Variants in ACER3 observed in about 807,000 individuals in gnomAD.
ACER3 encodes the protein alkaline ceramidase 3.
A neutral mutation model predicts 48.9 loss-of-function variants in ACER3; 16 were observed. The observed-to-expected ratio is 0.33, with a 90% CI of 0.22 to 0.50. The LOEUF is 0.50. Among genes scored for constraint, ACER3 ranks in the 20% least tolerant of loss-of-function variants. The pLI, the probability that ACER3 is intolerant of heterozygous loss-of-function variation, is 0.98. For synonymous variants in ACER3, 109 were observed against 107.8 expected, an observed-to-expected ratio of 1.01 and a Z score of -0.07; for missense variants, 227 against 326.0, an observed-to-expected ratio of 0.70 and a Z score of 2.34.
At chr11:77,016,820 T>G (rs782405940) in intron 9 of ACER3, 41 bp downstream of exon 9, 2 of 1,121,060 alleles carry the variant, frequency 1.8e-6, no homozygotes, top group Non-Finnish European at 2.5e-6. Flanking sequence ...CTAGAGTTTG[T>G]TGTTTTTTTT....
At chr11:76,910,284 A>T (rs537864550) in intron 1 of ACER3, among the ~76,000 whole-genome samples, 121 of 152,252 alleles carry the variant, frequency 7.9e-4, no homozygotes, top group Middle Eastern at 3.4e-3. Context: ...ATAATAATAA[A>T]AAATTATGAT....
rs1317911472 is a variant in ACER3 at position 76,959,046 on chromosome 11, A to G, written c.267+15A>G. 1 of 1,613,830 alleles carries G rather than the reference A, an allele frequency of 6.2e-7. No homozygotes were observed. The highest frequency in any genetic ancestry group is 1.3e-5 in the African/African-American group (1 of 75,048). ...ATGAAATGCAGGTTAGTAATGATGA[A>G]ATTGACAAATGCTTATTTCTCTTAA... On this transcript the variant is annotated intron_variant, in intron 3 of 10. Transcript: ENST00000532485.
Position 76,975,874 on chromosome 11 carries a change from C to CTTTT in ACER3, c.268-395_268-392dup, listed in dbSNP as rs34786738. On this transcript the variant is annotated intron_variant, in intron 3 of 10. Coordinates refer to ENST00000532485, the MANE Select transcript of ACER3 (RefSeq NM_018367.7). The stretch of plus-strand genomic sequence containing the variant: ...AAGAGCTGAAACCTTTTTTTCTTTT[C>CTTTT]TTTTTTTTTTTTTTTTTTTTTTTGA... 5.2e-4 allele frequency among the ~76,000 whole-genome samples: 43 copies of CTTTT among 82,710 alleles called. 1 individual carries two copies. The highest frequency in any genetic ancestry group is 1.2e-3 in the African/African-American group (28 of 22,432). The allele number at this position is 82,710 out of a possible 152,430, so 54.3% of individuals were successfully genotyped here.
rs1555024460 is a variant in ACER3 at position 77,021,459 on chromosome 11, TA to T, written c.*1134del. 6.6e-6 allele frequency: 1 copy of T among 152,216 alleles called. No homozygotes were observed. The highest frequency in any genetic ancestry group is 1.5e-5 in the Non-Finnish European group (1 of 68,042). 9.4% of individuals were successfully genotyped at this position (152,216 alleles called of 1,614,324 possible). On this transcript the variant is annotated 3_prime_UTR_variant, in exon 11 of 11. Transcript: ENST00000532485. The stretch of plus-strand genomic sequence containing the variant: ...AATCTCATCGTAAGGCAGCTAGTTC[TA>T]ATTTGCATTTGAATGTATAACAAAT...
chr11:76,963,494 C>A (rs1164419869), intron 3 of ACER3, among the ~76,000 whole-genome samples: 7 of 151,176 alleles, frequency 4.6e-5, no homozygotes, highest in Non-Finnish European at 8.8e-5. Flanking sequence ...AGACCAGTGA[C>A]CCTGACCTAT....
chr11:76,908,120 C>A (rs1946280691), intron 1 of ACER3, among the ~76,000 whole-genome samples: 1 of 151,890 alleles, frequency 6.6e-6, no homozygotes. Flanking sequence ...CCTGTAATCC[C>A]AGCTACTTGG....
chr11:76,908,241 T>C (rs1173294862), intron 1 of ACER3, among the ~76,000 whole-genome samples: 3 of 152,176 alleles, frequency 2.0e-5, no homozygotes, highest in Non-Finnish European at 4.4e-5. Flanking sequence ...ATCTTGATTG[T>C]ATGATTGTAT....
intron 1 of ACER3, among the ~76,000 whole-genome samples, chr11:76,918,615 A>G (rs1379977013): frequency 2.6e-5 from 4 of 151,318 alleles, no homozygotes; most frequent in Non-Finnish European, 5.9e-5. Context: ...TTAATTCTTA[A>G]CACAGCAAGA....
chr11:77,005,439 G>T (rs7110305), intron 7 of ACER3, among the ~76,000 whole-genome samples: 114,852 of 151,984 alleles, frequency 0.76, 43,754 homozygotes, highest in African/African-American at 0.81. Flanking sequence ...CCCTTTCATG[G>T]GTCTGTATTC....
intron 7 of ACER3, among the ~76,000 whole-genome samples, chr11:77,010,638 C>T (rs1565227064): frequency 6.6e-6 from 1 of 152,148 alleles, no homozygotes; most frequent in Non-Finnish European, 1.5e-5. Context: ...AAAAAGCCCA[C>T]TGGATACCCA....
chr11:76,861,153 A>C lies in ACER3; in HGVS notation c.103+74A>C. The C allele has an allele frequency of 2.8e-6, 4 of 1,406,592 alleles. No individual in the cohort carries two copies. In the South Asian group the frequency reaches 5.1e-5, roughly 18 times the overall value. The allele number at this position is 1,406,592 out of a possible 1,614,324, so 87.1% of individuals were successfully genotyped here. ...AGGAGACGCCGTGTGAGGAAGGCAA[A>C]GAGCGAACCTGGCCGCGAAGGGAGG... On this transcript the variant is annotated intron_variant, in intron 1 of 10. Coordinates refer to ENST00000532485, the MANE Select transcript of ACER3 (RefSeq NM_018367.7).
intron 1 of ACER3, among the ~76,000 whole-genome samples, chr11:76,883,306 A>G (rs959299480): frequency 5.9e-5 from 9 of 151,900 alleles, no homozygotes; most frequent in Admixed American, 1.3e-4. Context: ...CCTTTTTACT[A>G]TGTTCCATTT....
chr11:76,883,400 T>C (rs374353839), intron 1 of ACER3, among the ~76,000 whole-genome samples: 1 of 151,650 alleles, frequency 6.6e-6, no homozygotes, highest in South Asian at 2.1e-4. Context: ...GTTTCATCAC[T>C]GTCATTTTGG....
chr11:76,925,988 CTTTGTT>C, intron 1 of ACER3, among the ~76,000 whole-genome samples: 1 of 152,076 alleles, frequency 6.6e-6, no homozygotes, highest in East Asian at 1.9e-4. Context: ...CATGTTTGCA[CTTTGTT>C]TTTGTGAAGA....
chr11:76,936,211 C>T (rs1947179736), intron 2 of ACER3, among the ~76,000 whole-genome samples: 1 of 152,132 alleles, frequency 6.6e-6, no homozygotes, highest in South Asian at 2.1e-4. Context: ...TAGTATAGCA[C>T]TGATATTCCA....
chr11:76,910,120 T>G (rs1946336475), intron 1 of ACER3, among the ~76,000 whole-genome samples: 1 of 141,810 alleles, frequency 7.1e-6, no homozygotes, highest in African/African-American at 2.6e-5. Context: ...CTGGGGCCTG[T>G]TGGGGGGTGG....
At chr11:76,994,765 C>T (rs971629216) in intron 6 of ACER3, among the ~76,000 whole-genome samples, 1 of 152,092 alleles carries the variant, frequency 6.6e-6, no homozygotes, top group African/African-American at 2.4e-5. Context: ...TTAAAAGCAT[C>T]GGTATACTAT....
intron 5 of ACER3, 149 bp downstream of exon 5, chr11:76,985,873 C>A: frequency 4.4e-6 from 2 of 455,196 alleles, no homozygotes; most frequent in South Asian, 5.6e-5. Flanking sequence ...ATATTGCTCC[C>A]TTGTTCTCTG....
Position 77,025,412 on chromosome 11 carries a change from T to TATATATATATATATATATATATATATA in ACER3, c.*5085_*5086insATATATATATATATATATATATATATA, listed in dbSNP as rs575045221. 122 of 69,046 alleles carry TATATATATATATATATATATATATATA rather than the reference T, an allele frequency of 1.8e-3. 1 individual carries two copies. Among genetic ancestry groups the TATATATATATATATATATATATATATA allele is most frequent in the African/African-American group, 5.0e-3 (116 of 23,288 alleles). 4.3% of individuals were successfully genotyped at this position (69,046 alleles called of 1,614,324 possible). A position where few individuals can be genotyped will look rare whatever the true frequency, so the allele number is the denominator to read the frequency against. ...ATTCTTTATATATATATATATATAT[T>TATATATATATATATATATATATATATA]TATTTATTTTTTTGAGACAGAGTCT... On this transcript the variant is annotated 3_prime_UTR_variant, in exon 11 of 11. Transcript: ENST00000532485.
Sources: allele counts gnomAD v4.1 joint callset (sites outside exome capture counted in the v4.1 genomes callset), GRCh38; gene constraint gnomAD v4.1.1; transcripts MANE v1.5; gene names NCBI Gene and HGNC (gene_info 2026-07-23, HGNC 2026-07-21).